RASGEF1B: variants seen among roughly 807,000 people sequenced by gnomAD.
RASGEF1B encodes ras-GEF domain-containing family member 1B.
Under a neutral mutation model 65.7 loss-of-function variants are expected in RASGEF1B, and 30 were observed. The ratio of observed to expected loss-of-function variants is 0.46; its 90% CI spans 0.34 to 0.62. The LOEUF (loss-of-function observed/expected upper bound fraction) is 0.62. Ranked by LOEUF, RASGEF1B falls within the 20% of genes least tolerant of loss-of-function variation. The pLI is 0.01. For synonymous variants in RASGEF1B, 175 were observed against 194.8 expected (o/e 0.90, Z 0.85); for missense variants, 495 against 580.1 (o/e 0.85, Z 1.51).
chr4:81,444,997 T>C (rs1167772506), intron 8 of RASGEF1B, among the ~76,000 whole-genome samples: 6 of 152,204 alleles, frequency 3.9e-5, no homozygotes, highest in Admixed American at 3.9e-4. Flanking sequence ...CCAAGACATA[T>C]TGTTACCATA....
At chr4:81,444,091 G>A (rs1385250789) in intron 8 of RASGEF1B, among the ~76,000 whole-genome samples, 1 of 152,178 alleles carries the variant, frequency 6.6e-6, no homozygotes, top group African/African-American at 2.4e-5. Flanking sequence ...CCTCTCGCAT[G>A]ACAAATCTGT....
In RASGEF1B at chr4:81,448,246, A is replaced by G; in HGVS notation, c.477T>C (p.Cys159=). ...TGAGCGCAGCAAGCTTGCGGATCAGACACTGCATCATTTGCTGGACATTCT... is the reference window on the plus strand; with the variant it reads ...TGAGCGCAGCAAGCTTGCGGATCAGGCACTGCATCATTTGCTGGACATTCT... The part of the protein sequence containing the change: ...YRKNVQQMMQ[C]LIRKLAALSQ... The change falls in exon 5 of 14, where the codon TGT becomes TGC. Residue 159 remains cysteine (C), a synonymous_variant. Coordinates refer to ENST00000264400, the MANE Select transcript of RASGEF1B (RefSeq NM_152545.3). 1 of 1,613,198 alleles carries G rather than the reference A, an allele frequency of 6.2e-7. No individual in the cohort carries two copies. The highest frequency in any genetic ancestry group is 8.5e-7 in the Non-Finnish European group (1 of 1,180,036).
Position 81,427,674 on chromosome 4 carries a change from G to C in RASGEF1B, c.*94C>G. On this transcript the variant is annotated 3_prime_UTR_variant, in exon 14 of 14. Coordinates refer to ENST00000264400, the MANE Select transcript of RASGEF1B (RefSeq NM_152545.3). ...GCTCCAATGACTGCAGGGTCTTCAT[G>C]AGTGTTCGTGGTACGAGATGCCAGA... The C allele has an allele frequency of 6.9e-7, 1 of 1,458,610 alleles. No individual in the cohort carries two copies. Among genetic ancestry groups the C allele is most frequent in the Non-Finnish European group, 9.5e-7 (1 of 1,052,026 alleles). The allele number at this position is 1,458,610 out of a possible 1,614,324, so 90.4% of individuals were successfully genotyped here. A position where few individuals can be genotyped will look rare whatever the true frequency, so the allele number is the denominator to read the frequency against.
chr4:81,453,940 A>G (rs1722355254), intron 4 of RASGEF1B: 1 of 152,240 alleles, frequency 6.6e-6, no homozygotes, highest in African/African-American at 2.4e-5. Context: ...GAAGCAGCTA[A>G]AGAAACAACA....
At chr4:81,432,120 A>G (rs1475426682) in intron 13 of RASGEF1B, among the ~76,000 whole-genome samples, 179 bp downstream of exon 13, 1 of 152,234 alleles carries the variant, frequency 6.6e-6, no homozygotes, top group Non-Finnish European at 1.5e-5. Context: ...AAAATGAAAG[A>G]CAATAAAGCA....
intron 12 of RASGEF1B, among the ~76,000 whole-genome samples, chr4:81,433,177 T>C (rs950652273): frequency 6.6e-6 from 1 of 151,370 alleles, no homozygotes; most frequent in Non-Finnish European, 1.5e-5. Context: ...TGCAGTGAGC[T>C]GTGATCGTGC....
intron 4 of RASGEF1B, among the ~76,000 whole-genome samples, chr4:81,450,388 CAG>C (rs3044363): frequency 0.23 from 35,575 of 151,726 alleles, 6,243 homozygotes; most frequent in African/African-American, 0.49. Context: ...CTGACTGAGA[CAG>C]AGTCTCACTC....
chr4:81,430,992 C>A (rs1376389612), intron 13 of RASGEF1B, among the ~76,000 whole-genome samples: 2 of 151,904 alleles, frequency 1.3e-5, no homozygotes, highest in East Asian at 3.9e-4. Context: ...GAGACCCCAC[C>A]AAACTTACTG....
In RASGEF1B at chr4:81,426,692, C is replaced by A. The variant is rs950657946; in HGVS notation, c.*1076G>T. On this transcript the variant is annotated 3_prime_UTR_variant, in exon 14 of 14. Coordinates refer to ENST00000264400, the MANE Select transcript of RASGEF1B (RefSeq NM_152545.3). The stretch of plus-strand genomic sequence containing the variant: ...ACAATTAGATCAACCATTGAGTTAA[C>A]AGCAAGGTGTTTTTCATCTGTTTTG... 1.3e-5 allele frequency: 2 copies of A among 152,154 alleles called. No individual in the cohort carries two copies. The highest frequency in any genetic ancestry group is 2.1e-4 in the South Asian group (1 of 4,830). The allele number at this position is 152,154 out of a possible 1,614,324, so 9.4% of individuals were successfully genotyped here.
intron 1 of RASGEF1B, among the ~76,000 whole-genome samples, chr4:81,462,570 C>G (rs528037630): frequency 6.6e-6 from 1 of 152,210 alleles, no homozygotes; most frequent in Admixed American, 6.5e-5. Context: ...CAATAACCAA[C>G]TACTGAGATT....
Position 81,448,165 on chromosome 4 carries a change from T to C in RASGEF1B, c.558A>G (p.Thr186=). 6.2e-7 allele frequency: 1 copy of C among 1,614,138 alleles called. No individual in the cohort carries two copies. Among genetic ancestry groups the C allele is most frequent in the African/African-American group, 1.3e-5 (1 of 75,028 alleles). ...TAGACTGTGGCTTGGTCTTGAGAACTGTGAGCCGATCTGTGGATGTGGAGC... is the reference window on the plus strand; with the variant it reads ...TAGACTGTGGCTTGGTCTTGAGAACCGTGAGCCGATCTGTGGATGTGGAGC... The part of the protein sequence containing the change: ...KISSTSTDRL[T]VLKTKPQSIQ... Residue 186 remains threonine (T), a synonymous_variant, in exon 5 of 14, where the codon ACA becomes ACG. Transcript: ENST00000264400.
intron 4 of RASGEF1B, among the ~76,000 whole-genome samples, chr4:81,448,858 A>G (rs1292877688): frequency 6.6e-6 from 1 of 152,096 alleles, no homozygotes; most frequent in Non-Finnish European, 1.5e-5. Context: ...TCTGTTGCCT[A>G]GGCTGGAGTG....
chr4:81,447,628 A>G (rs771237664), intron 5 of RASGEF1B, 50 bp from the exon 6 acceptor site: 17 of 1,383,628 alleles, frequency 1.2e-5, no homozygotes, highest in Middle Eastern at 3.5e-4. Context: ...ATGAAAAGAA[A>G]TGGACTGTCA....
chr4:81,444,980 G>A (rs1448738580), intron 8 of RASGEF1B, among the ~76,000 whole-genome samples: 5 of 152,252 alleles, frequency 3.3e-5, no homozygotes, highest in South Asian at 2.1e-4. Context: ...AGTATAAATT[G>A]GAACAACCAA....
chr4:81,466,770 A>AAAAAAAAGAAAGAAAGAAAG (rs748492254), intron 1 of RASGEF1B, among the ~76,000 whole-genome samples: 2 of 36,098 alleles, frequency 5.5e-5, no homozygotes, highest in African/African-American at 1.9e-4. Flanking sequence ...AAAAAAAAAA[A>AAAAAAAAGAAAGAAAGAAAG]AAAGAAAGAA....
intron 5 of RASGEF1B, among the ~76,000 whole-genome samples, 160 bp from the exon 6 acceptor site, chr4:81,447,738 G>A (rs971374368): frequency 2.0e-5 from 3 of 152,120 alleles, no homozygotes; most frequent in East Asian, 1.9e-4. Context: ...AGGTCTGTGC[G>A]GAGGCAATTT....
intron 6 of RASGEF1B, among the ~76,000 whole-genome samples, chr4:81,446,101 G>A (rs897138555): frequency 5.9e-5 from 9 of 152,176 alleles, no homozygotes; most frequent in African/African-American, 1.4e-4. Flanking sequence ...TAGGCCGGGC[G>A]TGGTGGCTCA....
At chr4:81,429,579 G>A (rs1578606622) in intron 13 of RASGEF1B, among the ~76,000 whole-genome samples, 2 of 152,174 alleles carry the variant, frequency 1.3e-5, no homozygotes, top group African/African-American at 4.8e-5. Flanking sequence ...GGCCCACCAC[G>A]CCCCCATCTT....
chr4:81,437,882 C>A (rs1721688781), intron 10 of RASGEF1B, among the ~76,000 whole-genome samples: 1 of 152,186 alleles, frequency 6.6e-6, no homozygotes. Context: ...ATTATAAGGA[C>A]TTCAGATTTC....
Sources: allele counts gnomAD v4.1 joint callset (sites outside exome capture counted in the v4.1 genomes callset), GRCh38; gene constraint gnomAD v4.1.1; transcripts MANE v1.5; gene names NCBI Gene and HGNC (gene_info 2026-07-23, HGNC 2026-07-21).